Variants in DYNC2H1 observed in about 807,000 individuals in gnomAD.
DYNC2H1 encodes dynein cytoplasmic 2 heavy chain 1, also known as cytoplasmic dynein 2 heavy chain 1.
DYNC2H1 carries 410 observed loss-of-function variants against 570.0 expected under a neutral mutation model. The ratio of observed to expected loss-of-function variants is 0.72; its 90% CI spans 0.66 to 0.78. The LOEUF (loss-of-function observed/expected upper bound fraction) is 0.78, where lower values mean the gene tolerates loss of function less well. Ranked by LOEUF, DYNC2H1 falls within the 30% of genes least tolerant of loss-of-function variation. The pLI is 0.00. For synonymous variants in DYNC2H1, 1,688 were observed against 1,677.6 expected, an observed-to-expected ratio of 1.01 and a Z score of -0.15; for missense variants, 4,865 against 5,046.4, an observed-to-expected ratio of 0.96 and a Z score of 1.09.
rs991691015 is a variant in DYNC2H1, at chr11:103,244,257, G to T, written c.9918+466G>T. Reference sequence around the variant, plus strand: ...ACATCTTTAATGTATCCCAAGATTTGATAATTGTTCAGTGAAATATAATCA... The same window carrying T: ...ACATCTTTAATGTATCCCAAGATTTTATAATTGTTCAGTGAAATATAATCA... On this transcript the variant is annotated intron_variant, in intron 64 of 88. Coordinates refer to ENST00000375735, the MANE Select transcript of DYNC2H1 (RefSeq NM_001377.3). This position sits in a 1 kb window ranked among gnomAD's most constrained non-coding sequence, Gnocchi z 4.3. Among the ~76,000 whole-genome samples the T allele has an allele frequency of 6.6e-6, 1 of 151,982 alleles. No individual in the cohort carries two copies. Among genetic ancestry groups the T allele is most frequent in the Non-Finnish European group, 1.5e-5 (1 of 67,918 alleles).
At chr11:103,284,666 T>G (rs1866277369) in intron 73 of DYNC2H1, among the ~76,000 whole-genome samples, 1 of 152,218 alleles carries the variant, frequency 6.6e-6, no homozygotes, top group Admixed American at 6.5e-5. Context: ...AAATGTAATT[T>G]ATTTTCTGCT....
chr11:103,329,779 A>G (rs1018049437), intron 82 of DYNC2H1, among the ~76,000 whole-genome samples: 2 of 152,086 alleles, frequency 1.3e-5, no homozygotes, highest in Admixed American at 6.6e-5. Context: ...ATTAATGAAT[A>G]TTGCTTTTGT....
chr11:103,339,137 A>G (rs1054045373), intron 82 of DYNC2H1, among the ~76,000 whole-genome samples: 1 of 152,082 alleles, frequency 6.6e-6, no homozygotes, highest in Non-Finnish European at 1.5e-5. Context: ...CTGAGTTCCC[A>G]GGCAGAGTCT....
Position 103,244,908 on chromosome 11 carries a change from C to T in DYNC2H1, c.9919-343C>T, listed in dbSNP as rs570345639. ...CCACACATACACACACACATACACA[C>T]GCCTGGGGTGATGTTTAAAACTACT... On this transcript the variant is annotated intron_variant, in intron 64 of 88. Coordinates refer to ENST00000375735, the MANE Select transcript of DYNC2H1 (RefSeq NM_001377.3). The surrounding 1 kb of genome is among the most constrained non-coding windows in gnomAD (Gnocchi z 4.3). 4.6e-5 allele frequency among the ~76,000 whole-genome samples: 7 copies of T among 150,908 alleles called. No homozygotes were observed. Among genetic ancestry groups the T allele is most frequent in the Admixed American group, 6.6e-5 (1 of 15,106 alleles).
At chr11:103,178,945 A>T in intron 38 of DYNC2H1, 81 bp from the exon 39 acceptor site, 1 of 1,323,776 alleles carries the variant, frequency 7.6e-7, no homozygotes, top group Non-Finnish European at 1.0e-6. Flanking sequence ...ATGAAAATTA[A>T]GAATTGTTTT....
intron 63 of DYNC2H1, among the ~76,000 whole-genome samples, chr11:103,237,840 A>G (rs564374687): frequency 5.7e-4 from 86 of 152,084 alleles, no homozygotes; most frequent in Non-Finnish European, 1.1e-3. Context: ...TTTTTTACCA[A>G]TGTTAATTGA....
At chr11:103,410,987 T>G (rs1195180905) in intron 84 of DYNC2H1, among the ~76,000 whole-genome samples, 6 of 152,120 alleles carry the variant, frequency 3.9e-5, no homozygotes, top group Admixed American at 3.3e-4. Context: ...ATCCGGGTGA[T>G]GTAGAGGGCA....
chr11:103,161,299 G>A (rs942148234), intron 29 of DYNC2H1, among the ~76,000 whole-genome samples: 1 of 152,084 alleles, frequency 6.6e-6, no homozygotes, highest in Non-Finnish European at 1.5e-5. Flanking sequence ...AAAAATCTTA[G>A]ATATTAATCT....
At chr11:103,153,621 A>C in intron 22 of DYNC2H1, 113 bp downstream of exon 22, 1 of 927,362 alleles carries the variant, frequency 1.1e-6, no homozygotes, top group Non-Finnish European at 1.6e-6. Flanking sequence ...AAACTTCATC[A>C]CTTTTTAAAC....
intron 82 of DYNC2H1, among the ~76,000 whole-genome samples, chr11:103,356,451 CA>C (rs1432253275): frequency 6.6e-6 from 1 of 152,124 alleles, no homozygotes; most frequent in East Asian, 1.9e-4. Flanking sequence ...ATTCTTAAAA[CA>C]GATTTTAACA....
chr11:103,280,318 A>G lies in DYNC2H1; in HGVS notation c.10696-30A>G. The G allele has an allele frequency of 1.3e-6, 2 of 1,548,550 alleles. No individual in the cohort carries two copies. The highest frequency in any genetic ancestry group is 1.7e-6 in the Non-Finnish European group (2 of 1,145,006). ...TTTTCCAAAGACACAAATTTTTAAA[A>G]GGCAAGATAATATCTGTTATTCTTT... On this transcript the variant is annotated intron_variant, in intron 70 of 88. Coordinates refer to ENST00000375735, the MANE Select transcript of DYNC2H1 (RefSeq NM_001377.3). The surrounding 1 kb of genome is among the most constrained non-coding windows in gnomAD (Gnocchi z 4.7).
At chr11:103,271,242 A>T (rs2135307808) in intron 70 of DYNC2H1, among the ~76,000 whole-genome samples, 1 of 152,318 alleles carries the variant, frequency 6.6e-6, no homozygotes, top group African/African-American at 2.4e-5. Context: ...TGTGGCTACT[A>T]AAGTGAATCT....
chr11:103,287,108 C>G (rs1866381819), intron 74 of DYNC2H1, among the ~76,000 whole-genome samples: 1 of 152,100 alleles, frequency 6.6e-6, no homozygotes, highest in Admixed American at 6.6e-5. Context: ...CACCACTGCA[C>G]TCCAGCCTGG....
At chr11:103,184,867 CTGTT>C in intron 40 of DYNC2H1, 25 bp from the exon 41 acceptor site, 2 of 1,607,798 alleles carry the variant, frequency 1.2e-6, no homozygotes, top group Non-Finnish European at 1.7e-6. Context: ...TGCCTTTTGT[CTGTT>C]TGTATCACGG....
intron 1 of DYNC2H1, among the ~76,000 whole-genome samples, chr11:103,111,720 GTAAA>G (rs2134675923): frequency 6.6e-6 from 1 of 152,236 alleles, no homozygotes; most frequent in South Asian, 2.1e-4. Context: ...GCTATTACTA[GTAAA>G]GCCCAACGAT....
intron 75 of DYNC2H1, among the ~76,000 whole-genome samples, chr11:103,297,105 T>C (rs1866864094): frequency 6.6e-6 from 1 of 152,192 alleles, no homozygotes; most frequent in Non-Finnish European, 1.5e-5. Flanking sequence ...AAATTACTGA[T>C]GCTTATATCT....
chr11:103,204,797 A>G lies in DYNC2H1; in HGVS notation c.8312-25A>G, dbSNP rs1326098517. Reference sequence around the variant, plus strand: ...GACCACGTATAGATTGCCTGATTGTATTATTATTCTTATATATTTCTTAGG... The same window carrying G: ...GACCACGTATAGATTGCCTGATTGTGTTATTATTCTTATATATTTCTTAGG... On this transcript the variant is annotated intron_variant, in intron 51 of 88. Coordinates refer to ENST00000375735, the MANE Select transcript of DYNC2H1 (RefSeq NM_001377.3). The surrounding 1 kb of genome is among the most constrained non-coding windows in gnomAD (Gnocchi z 4.1). 1.3e-6 allele frequency: 2 copies of G among 1,554,978 alleles called. No homozygotes were observed. The highest frequency in any genetic ancestry group is 1.2e-5 in the South Asian group (1 of 83,976).
At chr11:103,235,867 T>G (rs2135199638) in intron 62 of DYNC2H1, 54 bp downstream of exon 62, 1 of 1,593,810 alleles carries the variant, frequency 6.3e-7, no homozygotes, top group East Asian at 2.3e-5. Flanking sequence ...TATTCCTGAA[T>G]TTAAAATTTC....
intron 75 of DYNC2H1, among the ~76,000 whole-genome samples, chr11:103,293,903 C>A (rs1250818559): frequency 6.6e-6 from 1 of 151,958 alleles, no homozygotes; most frequent in Non-Finnish European, 1.5e-5. Context: ...ATGGTGAAAC[C>A]CCATCTGTAC....
Sources: gnomAD v4.1 joint callset for allele counts (sites outside exome capture counted in the v4.1 genomes callset) on GRCh38, gnomAD v4.1.1 for gene constraint, Gnocchi (gnomAD v3.1) non-coding constraint, MANE v1.5 for transcripts, NCBI Gene and HGNC (gene_info 2026-07-23, HGNC 2026-07-21) for gene names.